The following ZNF560 variants were observed in gnomAD, a reference collection of about 807,000 sequenced individuals.
ZNF560 encodes the protein zinc finger protein 560.
A neutral mutation model predicts 81.8 loss-of-function variants in ZNF560; 54 were observed. That is an observed-to-expected ratio of 0.66 (90% CI 0.53 to 0.83). ZNF560 has a LOEUF of 0.83. Ranked by LOEUF, ZNF560 falls within the 40% of genes least tolerant of loss-of-function variation. ZNF560 has a pLI of 0.00. For synonymous variants in ZNF560, 321 were observed against 317.9 expected (o/e 1.01, Z -0.10); for missense variants, 940 against 932.4 (o/e 1.01, Z -0.11).
chr19:9,458,008 G>A, the ZNF560 span, among the ~76,000 whole-genome samples: 1 of 152,192 alleles, frequency 6.6e-6, no homozygotes, highest in Non-Finnish European at 1.5e-5. Context: ...TGGTGTTATT[G>A]TTCAAGAGCG....
At chr19:9,483,759 C>T (rs1318926219) in intron 2 of ZNF560, among the ~76,000 whole-genome samples, 1 of 151,402 alleles carries the variant, frequency 6.6e-6, no homozygotes, top group African/African-American at 2.4e-5. Context: ...AGTGAGGAGC[C>T]CCTCTGCCCG....
chr19:9,479,359 A>G (rs1237399926), intron 2 of ZNF560, among the ~76,000 whole-genome samples: 1 of 151,648 alleles, frequency 6.6e-6, no homozygotes, highest in Non-Finnish European at 1.5e-5. Context: ...GACTCACTTC[A>G]TCCTTAAGGA....
intron 2 of ZNF560, among the ~76,000 whole-genome samples, chr19:9,497,890 C>CT (rs2073587808): frequency 6.6e-6 from 1 of 152,162 alleles, no homozygotes. Flanking sequence ...AAAAGAATGG[C>CT]TGAGTATTCT....
At chr19:9,478,500 C>T (rs2073236673) in intron 2 of ZNF560, among the ~76,000 whole-genome samples, 1 of 152,004 alleles carries the variant, frequency 6.6e-6, no homozygotes, top group South Asian at 2.1e-4. Flanking sequence ...ATTCAGAATA[C>T]TCAAACACTG....
At chr19:9,474,409 C>T in intron 3 of ZNF560, 84 bp from the exon 4 acceptor site, 2 of 1,471,278 alleles carry the variant, frequency 1.4e-6, no homozygotes, top group Non-Finnish European at 1.8e-6. Context: ...GACCCCAATG[C>T]CTATAAAGAG....
chr19:9,452,564 G>A, the ZNF560 span, among the ~76,000 whole-genome samples: 94 of 152,270 alleles, frequency 6.2e-4, 1 homozygote, highest in South Asian at 8.5e-3. Flanking sequence ...GGAATACTAC[G>A]CAGCCATAAA....
intron 2 of ZNF560, among the ~76,000 whole-genome samples, chr19:9,477,849 C>T (rs10414836): frequency 0.15 from 23,312 of 151,904 alleles, 2,611 homozygotes; most frequent in African/African-American, 0.31. Context: ...AAACAGACTA[C>T]TTAGAAATAC....
the ZNF560 span, among the ~76,000 whole-genome samples, chr19:9,451,381 A>G: frequency 1.3e-5 from 2 of 152,190 alleles, no homozygotes; most frequent in African/African-American, 4.8e-5. Flanking sequence ...AGAATTCCCA[A>G]CTCAATAAAT....
chr19:9,450,563 A>G, the ZNF560 span, among the ~76,000 whole-genome samples: 70 of 152,240 alleles, frequency 4.6e-4, no homozygotes, highest in Middle Eastern at 3.4e-3. Flanking sequence ...TTGTTTGTTT[A>G]TTTATTTTTA....
At chr19:9,470,364 A>G in intron 7 of ZNF560, 28 bp downstream of exon 7, 4 of 1,578,956 alleles carry the variant, frequency 2.5e-6, no homozygotes, top group Non-Finnish European at 3.4e-6. Flanking sequence ...GTTCCAGAAT[A>G]GGCTACAAGG....
intron 2 of ZNF560, among the ~76,000 whole-genome samples, chr19:9,476,285 GTTT>G (rs917010279): frequency 7.3e-5 from 11 of 150,942 alleles, no homozygotes; most frequent in South Asian, 4.2e-4. Flanking sequence ...CTGATGGTGG[GTTT>G]TTTTTTGTTT....
chr19:9,447,484 A>T, the ZNF560 span, among the ~76,000 whole-genome samples: 2 of 152,008 alleles, frequency 1.3e-5, no homozygotes, highest in Non-Finnish European at 2.9e-5. Context: ...CAACACAAAC[A>T]TAAAGCAATC....
intron 2 of ZNF560, among the ~76,000 whole-genome samples, chr19:9,477,791 G>A (rs1221643018): frequency 6.6e-6 from 1 of 151,706 alleles, no homozygotes; most frequent in Non-Finnish European, 1.5e-5. Flanking sequence ...AAACGCAATT[G>A]AGATCATCAA....
Position 9,468,346 on chromosome 19 carries a change from G to C in ZNF560, c.613-12C>G. 1 of 1,560,298 alleles carries C rather than the reference G, an allele frequency of 6.4e-7. No homozygotes were observed. Among genetic ancestry groups the C allele is most frequent in the Non-Finnish European group, 8.6e-7 (1 of 1,156,800 alleles). On this transcript the variant is annotated splice_polypyrimidine_tract_variant and intron_variant, in intron 9 of 9. Transcript: ENST00000301480. ...TTTTGGTTTCTTGCCTGTTAACACA[G>C]GAATGAACAATAAAGGAAGCATTTT...
At chr19:9,478,421 A>G (rs902227108) in intron 2 of ZNF560, among the ~76,000 whole-genome samples, 2 of 152,200 alleles carry the variant, frequency 1.3e-5, no homozygotes, top group Admixed American at 6.5e-5. Context: ...TCTCAAGCTT[A>G]AAAAAAGGAC....
intron 2 of ZNF560, among the ~76,000 whole-genome samples, chr19:9,481,580 A>G (rs1005930501): frequency 2.0e-5 from 3 of 152,244 alleles, no homozygotes; most frequent in East Asian, 3.8e-4. Flanking sequence ...TTACAAGAAA[A>G]AAATCAAACC....
downstream of ZNF560, among the ~76,000 whole-genome samples, chr19:9,461,716 C>T (rs1225315386): frequency 3.3e-5 from 5 of 152,098 alleles, no homozygotes; most frequent in Admixed American, 6.5e-5. Context: ...AGCTGAAATG[C>T]GACTGGAATA....
downstream of ZNF560, among the ~76,000 whole-genome samples, chr19:9,465,822 G>A (rs181103869): frequency 1.0e-3 from 158 of 152,150 alleles, no homozygotes; most frequent in Admixed American, 2.2e-3. Flanking sequence ...TTGAAACCCC[G>A]TCTCTACTAA....
the ZNF560 span, among the ~76,000 whole-genome samples, chr19:9,460,210 T>C: frequency 1.3e-5 from 2 of 152,104 alleles, no homozygotes; most frequent in Non-Finnish European, 2.9e-5. Context: ...ATTGTCCAAG[T>C]TGATGCTGAG....
Sources: allele counts gnomAD v4.1 joint callset (sites outside exome capture counted in the v4.1 genomes callset), GRCh38; gene constraint gnomAD v4.1.1; transcripts MANE v1.5; gene names NCBI Gene and HGNC (gene_info 2026-07-23, HGNC 2026-07-21).